HPGDS: variants seen among roughly 807,000 people sequenced by gnomAD.
HPGDS encodes GST class-sigma.
A neutral mutation model predicts 23.1 loss-of-function variants in HPGDS; 26 were observed. The observed-to-expected ratio is 1.13, with a 90% CI of 0.83 to 1.56. HPGDS has a LOEUF of 1.56. Ranked by LOEUF, HPGDS falls within the 40% of genes most tolerant of loss-of-function variation. The probability of loss-of-function intolerance (pLI) is 0.00; values close to 1 mark genes in which losing one functional copy is unlikely to be tolerated. For missense variants in HPGDS, 268 were observed against 236.4 expected, an observed-to-expected ratio of 1.13 and a Z score of -0.88; for synonymous variants, 95 against 77.9, an observed-to-expected ratio of 1.22 and a Z score of -1.16.
intron 3 of HPGDS, 21 bp from the exon 4 acceptor site, chr4:94,308,764 C>G: frequency 8.0e-7 from 1 of 1,245,292 alleles, no homozygotes; most frequent in Non-Finnish European, 1.2e-6. Context: ...GAGAGAGGCC[C>G]ATCAATATGT....
At chr4:94,313,294 T>C (rs1170383712) in intron 3 of HPGDS, among the ~76,000 whole-genome samples, 2 of 152,204 alleles carry the variant, frequency 1.3e-5, no homozygotes, top group Non-Finnish European at 2.9e-5. Context: ...CCATTCCATG[T>C]TTAGTGCTTC....
intron 4 of HPGDS, among the ~76,000 whole-genome samples, chr4:94,307,041 GA>G (rs997626969): frequency 6.6e-6 from 1 of 151,122 alleles, no homozygotes; most frequent in African/African-American, 2.4e-5. Context: ...TTTCAGAGTG[GA>G]AAAAAAATAG....
intron 3 of HPGDS, among the ~76,000 whole-genome samples, chr4:94,311,193 G>T (rs1159894558): frequency 1.3e-5 from 2 of 152,162 alleles, no homozygotes; most frequent in Non-Finnish European, 2.9e-5. Flanking sequence ...AGTGGTGTGA[G>T]AGGGCATCCC....
chr4:94,304,846 C>T (rs1756111032), intron 4 of HPGDS, among the ~76,000 whole-genome samples: 1 of 151,868 alleles, frequency 6.6e-6, no homozygotes, highest in South Asian at 2.1e-4. Flanking sequence ...GAATATTTTC[C>T]TCTGGGAGGT....
chr4:94,337,826 G>C (rs1266244492), intron 1 of HPGDS, among the ~76,000 whole-genome samples: 1 of 152,114 alleles, frequency 6.6e-6, no homozygotes, highest in African/African-American at 2.4e-5. Flanking sequence ...TCAAAATCAT[G>C]CTATTTTATA....
chr4:94,340,138 A>AGTGGAGAT (rs1721108400), intron 1 of HPGDS, among the ~76,000 whole-genome samples: 1 of 151,294 alleles, frequency 6.6e-6, no homozygotes, highest in East Asian at 2.0e-4. Flanking sequence ...TTTATTTTTT[A>AGTGGAGAT]GTGGAGATGG....
At chr4:94,302,017 G>A in intron 5 of HPGDS, 129 bp downstream of exon 5, 2 of 518,354 alleles carry the variant, frequency 3.9e-6, no homozygotes, top group Non-Finnish European at 7.0e-6. Context: ...ATTTAAAGAA[G>A]TTTAACCTTT....
At chr4:94,315,833 A>G (rs1209099408) in intron 3 of HPGDS, among the ~76,000 whole-genome samples, 1 of 152,158 alleles carries the variant, frequency 6.6e-6, no homozygotes, top group Non-Finnish European at 1.5e-5. Context: ...ACTCATTTTC[A>G]TCCCTACTTT....
At chr4:94,339,080 GAA>G (rs1042767090) in intron 1 of HPGDS, among the ~76,000 whole-genome samples, 2 of 152,182 alleles carry the variant, frequency 1.3e-5, no homozygotes, top group African/African-American at 4.8e-5. Flanking sequence ...TTCTGAGACT[GAA>G]ACTAGACTAA....
At chr4:94,340,390 G>T (rs1233346116) in intron 1 of HPGDS, among the ~76,000 whole-genome samples, 2 of 116,830 alleles carry the variant, frequency 1.7e-5, no homozygotes, top group African/African-American at 6.5e-5. Flanking sequence ...CCAGGCTGGA[G>T]TGCAGTGGCG....
chr4:94,328,006 G>T (rs1756670731), intron 2 of HPGDS, among the ~76,000 whole-genome samples: 1 of 152,248 alleles, frequency 6.6e-6, no homozygotes, highest in African/African-American at 2.4e-5. Context: ...CTGGAACAAT[G>T]TTCTCACATG....
intron 2 of HPGDS, among the ~76,000 whole-genome samples, chr4:94,327,653 C>A (rs998003770): frequency 2.6e-5 from 4 of 152,198 alleles, no homozygotes; most frequent in African/African-American, 9.7e-5. Flanking sequence ...CAGCCCCAGG[C>A]AGGCAGCTCT....
intron 3 of HPGDS, among the ~76,000 whole-genome samples, chr4:94,314,412 C>A (rs755733436): frequency 3.9e-5 from 6 of 152,182 alleles, no homozygotes; most frequent in Admixed American, 6.5e-5. Flanking sequence ...CACTCCGGAC[C>A]CTTTTTGCCT....
At chr4:94,322,204 G>A (rs1664699950) in intron 2 of HPGDS, among the ~76,000 whole-genome samples, 1 of 138,414 alleles carries the variant, frequency 7.2e-6, no homozygotes, top group African/African-American at 2.8e-5. Context: ...ATGTTCATCA[G>A]GGATATTGGT....
chr4:94,319,371 T>C (rs1023048428), intron 2 of HPGDS, among the ~76,000 whole-genome samples: 1 of 152,228 alleles, frequency 6.6e-6, no homozygotes, highest in Admixed American at 6.5e-5. Context: ...ATGGAATATT[T>C]TTTTCCATTC....
intron 4 of HPGDS, among the ~76,000 whole-genome samples, chr4:94,303,294 T>G (rs1756079300): frequency 6.6e-6 from 1 of 152,154 alleles, no homozygotes; most frequent in South Asian, 2.1e-4. Context: ...CAAGACGTTT[T>G]GAGCATGCGC....
At chr4:94,313,371 G>A (rs1407359109) in intron 3 of HPGDS, among the ~76,000 whole-genome samples, 1 of 152,158 alleles carries the variant, frequency 6.6e-6, no homozygotes, top group South Asian at 2.1e-4. Flanking sequence ...TGTCTGGAAA[G>A]GATTTTATTT....
At chr4:94,309,974 G>T (rs1756227782) in intron 3 of HPGDS, among the ~76,000 whole-genome samples, 1 of 152,158 alleles carries the variant, frequency 6.6e-6, no homozygotes, top group South Asian at 2.1e-4. Context: ...TGTTAATGGG[G>T]TTGTTTGCTT....
chr4:94,305,367 C>CGT (rs1294800607), intron 4 of HPGDS, among the ~76,000 whole-genome samples: 1 of 151,908 alleles, frequency 6.6e-6, no homozygotes, highest in Non-Finnish European at 1.5e-5. Context: ...TATATATATA[C>CGT]GTGTGTGTGT....
Sources: allele counts gnomAD v4.1 joint callset (sites outside exome capture counted in the v4.1 genomes callset), GRCh38; gene constraint gnomAD v4.1.1; transcripts MANE v1.5; gene names NCBI Gene and HGNC (gene_info 2026-07-23, HGNC 2026-07-21).